Variants in PLCH1 observed in about 807,000 individuals in gnomAD.
PLCH1 encodes 1-phosphatidylinositol 4,5-bisphosphate phosphodiesterase eta-1.
Under a neutral mutation model 126.7 loss-of-function variants are expected in PLCH1, and 60 were observed. That is an observed-to-expected ratio of 0.47 (90% CI 0.38 to 0.59). The LOEUF is 0.59. PLCH1 is among the 20% of genes least tolerant of loss of function. PLCH1 has a pLI of 0.00. For missense variants in PLCH1, 1,723 were observed against 2,040.0 expected (o/e 0.84, Z 2.99); for synonymous variants, 719 against 734.9 (o/e 0.98, Z 0.35).
At chr3:155,678,210 C>T (rs1044151121) in intron 2 of PLCH1, among the ~76,000 whole-genome samples, 1 of 152,338 alleles carries the variant, frequency 6.6e-6, no homozygotes, top group Non-Finnish European at 1.5e-5. Context: ...ATCCCTCTCA[C>T]CTCTTGCTCC....
At chr3:155,557,449 C>T (rs1726972700) in intron 8 of PLCH1, among the ~76,000 whole-genome samples, 2 of 152,154 alleles carry the variant, frequency 1.3e-5, no homozygotes, top group African/African-American at 4.8e-5. Context: ...AAAGAAGGCA[C>T]TCTTTGGCTA....
chr3:155,694,644 A>G (rs1207740280), intron 2 of PLCH1, among the ~76,000 whole-genome samples: 1 of 152,176 alleles, frequency 6.6e-6, no homozygotes, highest in Non-Finnish European at 1.5e-5. Context: ...AATTCTAAAA[A>G]CACTTATACG....
At chr3:155,730,456 T>G (rs1748689901) in intron 1 of PLCH1, among the ~76,000 whole-genome samples, 2 of 152,080 alleles carry the variant, frequency 1.3e-5, no homozygotes, top group Non-Finnish European at 2.9e-5. Context: ...AATTTTCGTA[T>G]TTTTAGTAGA....
intron 1 of PLCH1, among the ~76,000 whole-genome samples, chr3:155,733,005 C>A (rs879416472): frequency 8.0e-5 from 12 of 150,900 alleles, no homozygotes; most frequent in Non-Finnish European, 1.6e-4. Context: ...ATAAATTTAA[C>A]CAAGGAGGTG....
intron 2 of PLCH1, among the ~76,000 whole-genome samples, chr3:155,674,474 T>G (rs1032838006): frequency 6.6e-6 from 1 of 152,196 alleles, no homozygotes; most frequent in African/African-American, 2.4e-5. Context: ...TCTGCATAAT[T>G]CAAGATGTTC....
intron 1 of PLCH1, among the ~76,000 whole-genome samples, chr3:155,731,021 T>C (rs1375645072): frequency 6.6e-6 from 1 of 152,172 alleles, no homozygotes; most frequent in Non-Finnish European, 1.5e-5. Flanking sequence ...CCATGCCAGA[T>C]CCCACAGCCC....
intron 2 of PLCH1, among the ~76,000 whole-genome samples, chr3:155,696,049 C>T (rs974117153): frequency 6.6e-6 from 1 of 152,110 alleles, no homozygotes; most frequent in Non-Finnish European, 1.5e-5. Context: ...GAGTATTCGG[C>T]ATAGAGGGAA....
intron 2 of PLCH1, among the ~76,000 whole-genome samples, chr3:155,640,094 G>A (rs115617385): frequency 1.3e-3 from 204 of 152,306 alleles, no homozygotes; most frequent in African/African-American, 4.6e-3. Context: ...ATGTGAGAAC[G>A]GACTTATACA....
At chr3:155,730,924 C>A (rs1748724952) in intron 1 of PLCH1, among the ~76,000 whole-genome samples, 1 of 152,164 alleles carries the variant, frequency 6.6e-6, no homozygotes, top group Admixed American at 6.5e-5. Flanking sequence ...CAGGCCCAAC[C>A]CAGTAAAATC....
intron 2 of PLCH1, among the ~76,000 whole-genome samples, chr3:155,646,066 A>G (rs1420394996): frequency 1.3e-5 from 2 of 152,094 alleles, no homozygotes; most frequent in African/African-American, 2.4e-5. Flanking sequence ...TGGTGAGGGT[A>G]TGGGCTATAG....
At chr3:155,500,570 T>G in intron 14 of PLCH1, 133 bp downstream of exon 14, 1 of 631,082 alleles carries the variant, frequency 1.6e-6, no homozygotes, top group Non-Finnish European at 2.8e-6. Context: ...CCAGCTGTTC[T>G]TCACATGTTC....
At chr3:155,463,025 G>T (rs959123404) in intron 21 of PLCH1, among the ~76,000 whole-genome samples, 2 of 152,166 alleles carry the variant, frequency 1.3e-5, no homozygotes, top group Non-Finnish European at 2.9e-5. Context: ...CAGTCTTTTC[G>T]TATGGCTACT....
At chr3:155,666,020 C>T (rs1006383012) in intron 2 of PLCH1, among the ~76,000 whole-genome samples, 1 of 152,200 alleles carries the variant, frequency 6.6e-6, no homozygotes, top group Non-Finnish European at 1.5e-5. Context: ...GCCTTGTGCA[C>T]ACAGTATAGA....
At chr3:155,471,420 C>T (rs1183027615) in intron 21 of PLCH1, among the ~76,000 whole-genome samples, 1 of 150,658 alleles carries the variant, frequency 6.6e-6, no homozygotes, top group Admixed American at 6.6e-5. Flanking sequence ...CACCCAGATT[C>T]ATAAAGCAAG....
chr3:155,572,639 T>C (rs573215292), intron 6 of PLCH1, among the ~76,000 whole-genome samples: 3 of 152,070 alleles, frequency 2.0e-5, no homozygotes, highest in Admixed American at 1.3e-4. Context: ...TTTTCTCTTA[T>C]TTTTTTCTAT....
chr3:155,481,041 G>T lies in PLCH1; in HGVS notation c.4985C>A (p.Ser1662Ter). Residue 1662 changes from serine (S) to a stop codon, truncating the protein, a stop_gained, in exon 23 of 23, where the codon TCA (serine) becomes TAA (stop). Transcript: ENST00000460012. LOFTEE classifies it high-confidence loss of function. This position sits in a 1 kb window ranked among gnomAD's most constrained non-coding sequence, Gnocchi z 4.2. ...CTCAGTCTGCAAAACAGAATTATCT[G>T]AACAAAACTGGTCAACGTGGCCATA... The part of the protein sequence containing the change: ...LHYGHVDQFC[S>*]DNSVLQTEPS... 2 of 1,613,698 alleles carry T rather than the reference G, an allele frequency of 1.2e-6. No individual in the cohort carries two copies. The highest frequency in any genetic ancestry group is 1.7e-6 in the Non-Finnish European group (2 of 1,179,564).
chr3:155,481,329 A>G lies in PLCH1; in HGVS notation c.4697T>C (p.Leu1566Pro). The G allele has an allele frequency of 6.2e-7, 1 of 1,614,260 alleles. No homozygotes were observed. The highest frequency in any genetic ancestry group is 1.3e-5 in the African/African-American group (1 of 75,072). The stretch of plus-strand genomic sequence containing the variant: ...ACTTCTGGATGACAACTTCCTGACC[A>G]GTGCCCGGGGGAGCTGATTGGCATC... ...KQDANQLPRA[L>P]VRKLSSRSQS... The change falls in exon 23 of 23, where the codon CTG (leucine) becomes CCG (proline). Residue 1566 changes from leucine to proline, a missense_variant. By Grantham distance (98) the Leu-to-Pro change is moderately conservative. Transcript: ENST00000460012. This position sits in a 1 kb window ranked among gnomAD's most constrained non-coding sequence, Gnocchi z 4.2.
intron 21 of PLCH1, among the ~76,000 whole-genome samples, chr3:155,452,761 G>T (rs991185368): frequency 1.3e-5 from 2 of 152,086 alleles, no homozygotes; most frequent in African/African-American, 4.8e-5. Context: ...ATAAGGATGA[G>T]CTCTGGGATT....
chr3:155,583,445 A>C (rs1022951845), intron 6 of PLCH1, 27 bp downstream of exon 6: 33 of 1,535,676 alleles, frequency 2.1e-5, no homozygotes, highest in Non-Finnish European at 2.9e-5. Context: ...TTTTAAGTAA[A>C]CTTTCATTTT....
Sources: allele counts gnomAD v4.1 joint callset (sites outside exome capture counted in the v4.1 genomes callset), GRCh38; gene constraint gnomAD v4.1.1; non-coding constraint Gnocchi (gnomAD v3.1); transcripts MANE v1.5; gene names NCBI Gene and HGNC (gene_info 2026-07-23, HGNC 2026-07-21).